TBC1D16: variants seen among roughly 807,000 people sequenced by gnomAD.
TBC1D16 encodes the protein TBC1 domain family member 16.
Under a neutral mutation model 74.7 loss-of-function variants are expected in TBC1D16, and 58 were observed. The observed-to-expected ratio is 0.78, with a 90% CI of 0.63 to 0.97. The LOEUF (loss-of-function observed/expected upper bound fraction) is 0.97, where lower values mean the gene tolerates loss of function less well. TBC1D16 is among the 50% of genes least tolerant of loss of function. TBC1D16 has a pLI of 0.00. For missense variants in TBC1D16, 1,014 were observed against 1,079.5 expected, an observed-to-expected ratio of 0.94 and a Z score of 0.85; for synonymous variants, 493 against 474.7, an observed-to-expected ratio of 1.04 and a Z score of -0.50.
At position 79,940,734 on chromosome 17, in the gene TBC1D16, GC is replaced by G. The variant is rs888879690; in HGVS notation, c.*124del. 2 of 1,176,516 alleles carry G rather than the reference GC, an allele frequency of 1.7e-6. No individual in the cohort carries two copies. Among genetic ancestry groups the G allele is most frequent in the African/African-American group, 3.1e-5 (2 of 64,518 alleles). 72.9% of individuals were successfully genotyped at this position (1,176,516 alleles called of 1,614,324 possible). ...AATATGAAAAGGTTCCTCTCATGTT[GC>G]CCAAAAGCATTTTCCTTAGGTTTCT... is the stretch of plus-strand genomic sequence containing the variant. On this transcript the variant is annotated 3_prime_UTR_variant, in exon 12 of 12. Coordinates refer to ENST00000310924, the MANE Select transcript of TBC1D16 (RefSeq NM_019020.4). The surrounding 1 kb of genome is among the most constrained non-coding windows in gnomAD (Gnocchi z 5.4).
In TBC1D16 at chr17:79,944,769, A is replaced by T; in HGVS notation, c.1908+139T>A. 1 of 772,744 alleles carries T rather than the reference A, an allele frequency of 1.3e-6. No homozygotes were observed. The highest frequency in any genetic ancestry group is 2.0e-6 in the Non-Finnish European group (1 of 497,416). The allele number at this position is 772,744 out of a possible 1,614,324, so 47.9% of individuals were successfully genotyped here. ...CTGAAGCCAGCCACGTGGGACGGGAAGGCAGTCGCCGTATGGGGGGCTAAT... is the reference window on the plus strand; with the variant it reads ...CTGAAGCCAGCCACGTGGGACGGGATGGCAGTCGCCGTATGGGGGGCTAAT... On this transcript the variant is annotated intron_variant, in intron 10 of 11. Transcript: ENST00000310924. The surrounding 1 kb of genome is among the most constrained non-coding windows in gnomAD (Gnocchi z 7.7).
chr17:79,951,699 A>T, intron 4 of TBC1D16, 102 bp from the exon 5 acceptor site: 1 of 1,387,772 alleles, frequency 7.2e-7, no homozygotes, highest in Non-Finnish European at 9.7e-7. Context: ...CAACCTCAGA[A>T]GCAGGAAACA....
rs147061576 is a variant in TBC1D16 at position 80,005,628 on chromosome 17, C to T, written c.779+4532G>A. ...CGACGCATTGGCGACAGCAGCTCTCCGTATCACCCCATCCCCCAAGTCAGC... is the reference window on the plus strand; with the variant it reads ...CGACGCATTGGCGACAGCAGCTCTCTGTATCACCCCATCCCCCAAGTCAGC... On this transcript the variant is annotated intron_variant, in intron 3 of 11. Coordinates refer to ENST00000310924, the MANE Select transcript of TBC1D16 (RefSeq NM_019020.4). Among the ~76,000 whole-genome samples, 220 of 152,300 alleles carry T rather than the reference C, an allele frequency of 1.4e-3. 2 individuals are homozygous for T. The highest frequency in any genetic ancestry group is 2.4e-3 in the Non-Finnish European group (160 of 68,022).
Position 79,951,547 on chromosome 17 carries a change from T to C in TBC1D16, c.992A>G (p.Gln331Arg). The C allele has an allele frequency of 6.2e-7, 1 of 1,613,958 alleles. No homozygotes were observed. The highest frequency in any genetic ancestry group is 1.3e-5 in the African/African-American group (1 of 75,014). Residue 331 changes from glutamine to arginine, a missense_variant, in exon 5 of 12, where the codon CAG (glutamine) becomes CGG (arginine). Coordinates refer to ENST00000310924, the MANE Select transcript of TBC1D16 (RefSeq NM_019020.4). ...GTGGTGGAAGTGGAAAACCTTGTAC[T>C]GGCTCTCTCGGCTGGCAACGACCAG... Reference protein sequence around the residue: ...GQLVVASRESQYKVFHFHHGG... With the variant: ...GQLVVASRESRYKVFHFHHGG...
At chr17:80,013,982 G>A (rs1179233728) in intron 1 of TBC1D16, among the ~76,000 whole-genome samples, 4 of 151,680 alleles carry the variant, frequency 2.6e-5, no homozygotes, top group African/African-American at 9.7e-5. Flanking sequence ...CCACAAAAAC[G>A]TTTTTTTCAC....
At chr17:79,968,419 A>G (rs1266100982) in intron 3 of TBC1D16, among the ~76,000 whole-genome samples, 1 of 152,248 alleles carries the variant, frequency 6.6e-6, no homozygotes, top group Non-Finnish European at 1.5e-5. Flanking sequence ...CTTAAAATGG[A>G]TCAAAGACTT....
In TBC1D16 at chr17:80,000,828, G is replaced by A. The variant is rs1047393259; in HGVS notation, c.779+9332C>T. ...AGGCCACCCCCTGCGGGTCTTGAGTGGAGCTTGGATTCACAGCTGGGTCTC... is the reference window on the plus strand; with the variant it reads ...AGGCCACCCCCTGCGGGTCTTGAGTAGAGCTTGGATTCACAGCTGGGTCTC... On this transcript the variant is annotated intron_variant, in intron 3 of 11. Transcript: ENST00000310924. The surrounding 1 kb of genome is among the most constrained non-coding windows in gnomAD (Gnocchi z 4.1). Among the ~76,000 whole-genome samples the A allele has an allele frequency of 1.3e-5, 2 of 152,228 alleles. No individual in the cohort carries two copies. Among genetic ancestry groups the A allele is most frequent in the Non-Finnish European group, 2.9e-5 (2 of 68,034 alleles).
At position 79,949,719 on chromosome 17, in the gene TBC1D16, T is replaced by C; in HGVS notation, c.1404A>G (p.Lys468=). The C allele has an allele frequency of 6.2e-7, 1 of 1,608,122 alleles. No individual in the cohort carries two copies. ...KRKEYSEIQQ[K]RLSMTPEEHR... is the part of the protein sequence containing the mutation. ...GCCGGGCTGGCCCCGGCGGTTACCT[T>C]TTCTGCTGGATCTCAGAGTACTCCT... The change falls in exon 7 of 12, where the codon AAA becomes AAG. Residue 468 remains lysine, a splice_region_variant and synonymous_variant. Transcript: ENST00000310924.
At position 79,940,541 on chromosome 17, in the gene TBC1D16, A is replaced by C; in HGVS notation, c.*318T>G. ...TCTGGCTGCCCTCGAGGGTGGAGCA[A>C]ATCCTGGGACATGTTGAAATCCTCC... On this transcript the variant is annotated 3_prime_UTR_variant, in exon 12 of 12. Coordinates refer to ENST00000310924, the MANE Select transcript of TBC1D16 (RefSeq NM_019020.4). The surrounding 1 kb of genome is among the most constrained non-coding windows in gnomAD (Gnocchi z 5.4). 1 of 244,828 alleles carries C rather than the reference A, an allele frequency of 4.1e-6. No homozygotes were observed. The highest frequency in any genetic ancestry group is 7.8e-6 in the Non-Finnish European group (1 of 127,816). The allele number at this position is 244,828 out of a possible 1,614,324, so 15.2% of individuals were successfully genotyped here.
Position 80,008,500 on chromosome 17 carries a change from C to T in TBC1D16, c.779+1660G>A, listed in dbSNP as rs753749899. ...CACCTCTCTGAGACACAACTGGGACCTTCCCCTCGCCTGGGCCCTGGGGAT... is the reference window on the plus strand; with the variant it reads ...CACCTCTCTGAGACACAACTGGGACTTTCCCCTCGCCTGGGCCCTGGGGAT... On this transcript the variant is annotated intron_variant, in intron 3 of 11. Transcript: ENST00000310924. The surrounding 1 kb of genome is among the most constrained non-coding windows in gnomAD (Gnocchi z 4.5). Among the ~76,000 whole-genome samples, 29 of 152,288 alleles carry T rather than the reference C, an allele frequency of 1.9e-4. No individual in the cohort carries two copies. Among genetic ancestry groups the T allele is most frequent in the African/African-American group, 7.0e-4 (29 of 41,556 alleles).
At position 79,948,887 on chromosome 17, in the gene TBC1D16, T is replaced by C. The variant is rs777244764; in HGVS notation, c.1526A>G (p.Asn509Ser). 10 of 1,613,872 alleles carry C rather than the reference T, an allele frequency of 6.2e-6. No homozygotes were observed. The highest frequency in any genetic ancestry group is 1.7e-5 in the Admixed American group (1 of 59,994). ...NQFFRGEDNP[N>S]VESMRRILLN... is the part of the protein sequence containing the mutation. ...GAGGGAGTACCTCATGCTCTCCACA[T>C]TGGGATTGTCTTCCCCCCGGAAGAA... is the stretch of plus-strand genomic sequence containing the variant. The change falls in exon 8 of 12, where the codon AAT becomes AGT. Residue 509 changes from asparagine to serine, a missense_variant. By Grantham distance (46) the Asn-to-Ser change is conservative (BLOSUM62 1). Transcript: ENST00000310924.
At chr17:80,021,266 A>C (rs533020609) in intron 1 of TBC1D16, among the ~76,000 whole-genome samples, 1 of 148,436 alleles carries the variant, frequency 6.7e-6, no homozygotes, top group South Asian at 2.1e-4. Context: ...AACAAAAACA[A>C]ACAAACAAAC....
In TBC1D16 at chr17:79,948,813, C is replaced by A. The variant is rs8079001; in HGVS notation, c.1541+59G>T. On this transcript the variant is annotated intron_variant, in intron 8 of 11. Coordinates refer to ENST00000310924, the MANE Select transcript of TBC1D16 (RefSeq NM_019020.4). The stretch of plus-strand genomic sequence containing the variant: ...CTGGGGGCTCATCCACTTCCCAGAG[C>A]GGTCAGGTGAGGCTTGCAGACTTGC... 8 of 1,606,992 alleles carry A rather than the reference C, an allele frequency of 5.0e-6. No homozygotes were observed. The South Asian group carries it at 6.6e-5, about 13-fold the overall frequency.
At chr17:79,995,904 TAA>T (rs1485625671) in intron 3 of TBC1D16, among the ~76,000 whole-genome samples, 1 of 152,162 alleles carries the variant, frequency 6.6e-6, no homozygotes, top group East Asian at 1.9e-4. Flanking sequence ...TCATCAACAT[TAA>T]AGTCTTTTGC....
In TBC1D16 at chr17:79,993,183, G is replaced by A. The variant is rs1361010051; in HGVS notation, c.779+16977C>T. Among the ~76,000 whole-genome samples the A allele has an allele frequency of 1.3e-5, 2 of 152,224 alleles. No individual in the cohort carries two copies. Among genetic ancestry groups the A allele is most frequent in the Non-Finnish European group, 2.9e-5 (2 of 68,034 alleles). ...ACACAGCCAGGCAGAGCTGGGATGT[G>A]GCCAAGGACTTGGCTCCAGGCTCCC... is the stretch of plus-strand genomic sequence containing the variant. On this transcript the variant is annotated intron_variant, in intron 3 of 11. Transcript: ENST00000310924. This position sits in a 1 kb window ranked among gnomAD's most constrained non-coding sequence, Gnocchi z 5.1.
chr17:79,984,537 A>G (rs2034733756), intron 3 of TBC1D16, among the ~76,000 whole-genome samples: 1 of 146,370 alleles, frequency 6.8e-6, no homozygotes, highest in East Asian at 2.0e-4. Flanking sequence ...AGCAGGTGCT[A>G]CTTTTATAAT....
At chr17:79,942,267 G>C (rs1379604967) in intron 10 of TBC1D16, 61 bp from the exon 11 acceptor site, 1 of 1,507,990 alleles carries the variant, frequency 6.6e-7, no homozygotes, top group Non-Finnish European at 9.0e-7. Context: ...CTGCACTCAG[G>C]GGGAAACTGA....
Position 79,941,725 on chromosome 17 carries a change from A to G in TBC1D16, c.2055+335T>C, listed in dbSNP as rs2032015792. On this transcript the variant is annotated intron_variant, in intron 11 of 11. Transcript: ENST00000310924. The surrounding 1 kb of genome is among the most constrained non-coding windows in gnomAD (Gnocchi z 4.3). Reference sequence around the variant, plus strand: ...CTCAGTGTTCCCAGTTCTGGGTTGTAAGCGAGGTACCCCAGGGTAGGGAAC... The same window carrying G: ...CTCAGTGTTCCCAGTTCTGGGTTGTGAGCGAGGTACCCCAGGGTAGGGAAC... Among the ~76,000 whole-genome samples, 2 of 152,160 alleles carry G rather than the reference A, an allele frequency of 1.3e-5. No homozygotes were observed. Among genetic ancestry groups the G allele is most frequent in the African/African-American group, 2.4e-5 (1 of 41,450 alleles).
rs1353121144 is a variant in TBC1D16, at chr17:79,979,102, C to T, written c.780-26284G>A. On this transcript the variant is annotated intron_variant, in intron 3 of 11. Coordinates refer to ENST00000310924, the MANE Select transcript of TBC1D16 (RefSeq NM_019020.4). This position sits in a 1 kb window ranked among gnomAD's most constrained non-coding sequence, Gnocchi z 4.8. ...AGATGATTCTAAACCAAAGCGCCCT[C>T]GTGGGCTCCACGCTCTCAGCCTGTC... Among the ~76,000 whole-genome samples, 1 of 152,242 alleles carries T rather than the reference C, an allele frequency of 6.6e-6. No individual in the cohort carries two copies. Among genetic ancestry groups the T allele is most frequent in the Admixed American group, 6.5e-5 (1 of 15,288 alleles).
Sources: gnomAD v4.1 joint callset for allele counts (sites outside exome capture counted in the v4.1 genomes callset) on GRCh38, gnomAD v4.1.1 for gene constraint, Gnocchi (gnomAD v3.1) non-coding constraint, MANE v1.5 for transcripts, NCBI Gene and HGNC (gene_info 2026-07-23, HGNC 2026-07-21) for gene names.